FMN2: variants seen among roughly 807,000 people sequenced by gnomAD.
FMN2 encodes the protein formin-2.
Under a neutral mutation model 142.3 loss-of-function variants are expected in FMN2, and 51 were observed. The observed-to-expected ratio is 0.36, with a 90% CI of 0.29 to 0.45. The LOEUF (loss-of-function observed/expected upper bound fraction) is 0.45. FMN2 is among the 20% of genes least tolerant of loss of function. The probability of loss-of-function intolerance (pLI) is 1.00; values close to 1 mark genes in which losing one functional copy is unlikely to be tolerated. For missense variants in FMN2, 1,936 were observed against 2,122.8 expected, an observed-to-expected ratio of 0.91 and a Z score of 1.73; for synonymous variants, 882 against 869.8, an observed-to-expected ratio of 1.01 and a Z score of -0.25.
intron 2 of FMN2, among the ~76,000 whole-genome samples, chr1:240,139,389 T>C (rs1384301361): frequency 6.7e-6 from 1 of 150,090 alleles, no homozygotes; most frequent in Non-Finnish European, 1.5e-5. Context: ...GTTTTTTGTA[T>C]CTGAGGTCAG....
intron 2 of FMN2, among the ~76,000 whole-genome samples, chr1:240,177,361 CTTT>C (rs201779468): frequency 4.5e-4 from 62 of 137,338 alleles, no homozygotes; most frequent in Middle Eastern, 3.7e-3. Context: ...CTATTCAATT[CTTT>C]TTTTTTTTTT....
chr1:240,370,683 G>A (rs1211382602), intron 14 of FMN2, among the ~76,000 whole-genome samples: 5 of 152,020 alleles, frequency 3.3e-5, no homozygotes, highest in Non-Finnish European at 5.9e-5. Flanking sequence ...TAATCCCATT[G>A]CATCAACCTA....
At chr1:240,305,687 G>A (rs140789310) in intron 8 of FMN2, among the ~76,000 whole-genome samples, 1 of 152,262 alleles carries the variant, frequency 6.6e-6, no homozygotes, top group Non-Finnish European at 1.5e-5. Flanking sequence ...CAGAAACGTA[G>A]CTATTGTATA....
At chr1:240,197,841 GTAT>G (rs1447064054) in intron 4 of FMN2, among the ~76,000 whole-genome samples, 11 of 146,582 alleles carry the variant, frequency 7.5e-5, no homozygotes, top group African/African-American at 3.0e-4. Context: ...GCTAATTTTT[GTAT>G]TATTAGTAGA....
In FMN2 at chr1:240,355,896, T is replaced by C; in HGVS notation, c.4846T>C (p.Phe1616Leu). 6.8e-7 allele frequency: 1 copy of C among 1,462,444 alleles called. No individual in the cohort carries two copies. Among genetic ancestry groups the C allele is most frequent in the Non-Finnish European group, 9.2e-7 (1 of 1,085,232 alleles). 90.6% of individuals were successfully genotyped at this position (1,462,444 alleles called of 1,614,324 possible). ...MQPFKENMEQ[F>L]IIQAKIDQEA... The stretch of plus-strand genomic sequence containing the variant: ...GCCTTTCAAGGAAAACATGGAACAA[T>C]TTATTATTCAAGGTAAATTCCAAAG... The change falls in exon 14 of 18, where the codon TTT becomes CTT. Residue 1616 changes from phenylalanine (F) to leucine (L), a missense_variant. Transcript: ENST00000319653.
Position 240,438,320 on chromosome 1 carries a change from A to G in FMN2, c.5060+110A>G, listed in dbSNP as rs1226566237. 21 of 1,197,014 alleles carry G rather than the reference A, an allele frequency of 1.8e-5. No homozygotes were observed. In the Admixed American group the frequency reaches 4.9e-4, roughly 28 times the overall value. The allele number at this position is 1,197,014 out of a possible 1,614,324, so 74.1% of individuals were successfully genotyped here. ...TGAAGAAAAAATTAGATGGCCCTCA[A>G]CCCGGGGTAGCAAGTTGAAGAGGAT... On this transcript the variant is annotated intron_variant, in intron 16 of 17. Transcript: ENST00000319653.
At position 240,265,550 on chromosome 1, in the gene FMN2, C is replaced by A. The variant is rs564107264; in HGVS notation, c.4153+7518C>A. ...AGAGAGTTCTCACCAGTGACTGAGT[C>A]AGCTGGCACCTTGATCTTAGACTTC... On this transcript the variant is annotated intron_variant, in intron 7 of 17. Coordinates refer to ENST00000319653, the MANE Select transcript of FMN2 (RefSeq NM_020066.5). Among the ~76,000 whole-genome samples, 65 of 152,222 alleles carry A rather than the reference C, an allele frequency of 4.3e-4. 1 individual carries two copies. Among genetic ancestry groups the A allele is most frequent in the African/African-American group, 1.3e-3 (53 of 41,544 alleles).
At chr1:240,128,356 T>A (rs1662595963) in intron 2 of FMN2, among the ~76,000 whole-genome samples, 2 of 152,244 alleles carry the variant, frequency 1.3e-5, no homozygotes, top group Non-Finnish European at 2.9e-5. Flanking sequence ...TTCTAGGATT[T>A]CTTTAATCCT....
intron 14 of FMN2, among the ~76,000 whole-genome samples, chr1:240,356,969 A>C (rs1157184686): frequency 6.6e-6 from 1 of 152,248 alleles, no homozygotes; most frequent in African/African-American, 2.4e-5. Flanking sequence ...TGAGGTCTTC[A>C]TAACTTAGAG....
chr1:240,451,002 C>T (rs1482138625), intron 16 of FMN2, among the ~76,000 whole-genome samples: 2 of 152,172 alleles, frequency 1.3e-5, no homozygotes, highest in Non-Finnish European at 2.9e-5. Context: ...GAAAGGAATT[C>T]AGCCCTATCC....
chr1:240,439,130 G>A (rs777813190), intron 16 of FMN2, among the ~76,000 whole-genome samples: 24 of 151,754 alleles, frequency 1.6e-4, no homozygotes, highest in Admixed American at 6.6e-5. Flanking sequence ...AAAATTAGCC[G>A]GGCATTGTGG....
chr1:240,226,895 A>C (rs1436154099), intron 6 of FMN2, among the ~76,000 whole-genome samples: 1 of 152,158 alleles, frequency 6.6e-6, no homozygotes, highest in East Asian at 1.9e-4. Context: ...GCATCTGTGA[A>C]AAACCCAGGG....
intron 14 of FMN2, among the ~76,000 whole-genome samples, chr1:240,378,163 T>A (rs1348409501): frequency 6.6e-6 from 1 of 151,978 alleles, no homozygotes; most frequent in Non-Finnish European, 1.5e-5. Context: ...TTATTATTAT[T>A]TTTTTAGACA....
At chr1:240,285,877 G>A (rs973281549) in intron 7 of FMN2, among the ~76,000 whole-genome samples, 1 of 152,014 alleles carries the variant, frequency 6.6e-6, no homozygotes, top group African/African-American at 2.4e-5. Context: ...AGTTGGAAGA[G>A]TTTTACTGCT....
intron 8 of FMN2, among the ~76,000 whole-genome samples, chr1:240,296,638 G>C (rs1558418572): frequency 6.7e-6 from 1 of 150,264 alleles, no homozygotes; most frequent in Non-Finnish European, 1.5e-5. Context: ...CTTGAGGACT[G>C]TGTATTCAAC....
intron 15 of FMN2, among the ~76,000 whole-genome samples, chr1:240,429,089 A>G (rs1476366186): frequency 6.6e-6 from 1 of 152,106 alleles, no homozygotes; most frequent in African/African-American, 2.4e-5. Context: ...CTTCTAATTC[A>G]GTTTTCATGT....
intron 15 of FMN2, among the ~76,000 whole-genome samples, chr1:240,405,661 C>T (rs1674126977): frequency 6.6e-6 from 1 of 151,978 alleles, no homozygotes; most frequent in Non-Finnish European, 1.5e-5. Flanking sequence ...GTATCATGTT[C>T]CAGATCCATT....
At chr1:240,314,052 A>G (rs995073532) in intron 8 of FMN2, among the ~76,000 whole-genome samples, 2 of 152,214 alleles carry the variant, frequency 1.3e-5, no homozygotes, top group African/African-American at 2.4e-5. Flanking sequence ...GCTTTTGTAC[A>G]TAAAAAGCTA....
chr1:240,188,473 C>G (rs1284829041), intron 4 of FMN2, among the ~76,000 whole-genome samples: 1 of 152,136 alleles, frequency 6.6e-6, no homozygotes, highest in Non-Finnish European at 1.5e-5. Context: ...GAACTGAGTA[C>G]AAGCTTTTCA....
Sources: gnomAD v4.1 joint callset for allele counts (sites outside exome capture counted in the v4.1 genomes callset) on GRCh38, gnomAD v4.1.1 for gene constraint, MANE v1.5 for transcripts, NCBI Gene and HGNC (gene_info 2026-07-23, HGNC 2026-07-21) for gene names.